Variants in RGS12 observed in about 807,000 individuals in gnomAD.
RGS12 encodes the protein regulator of G-protein signaling 12.
RGS12 carries 66 observed loss-of-function variants against 120.1 expected under a neutral mutation model. That is an observed-to-expected ratio of 0.55 (90% confidence interval 0.45 to 0.67). The LOEUF (loss-of-function observed/expected upper bound fraction) is 0.67, where lower values mean the gene tolerates loss of function less well. Among genes scored for constraint, RGS12 ranks in the 30% least tolerant of loss-of-function variants. The pLI, the probability that RGS12 is intolerant of heterozygous loss-of-function variation, is 0.00. For missense variants in RGS12, 1,859 were observed against 1,957.7 expected (o/e 0.95, Z 0.95); for synonymous variants, 827 against 804.7 (o/e 1.03, Z -0.47).
chr4:3,423,715 C>G, intron 13 of RGS12, 74 bp downstream of exon 13: 1 of 1,541,224 alleles, frequency 6.5e-7, no homozygotes, highest in Non-Finnish European at 8.8e-7. Context: ...CTGTGTTGTT[C>G]ACTGAAGAGG....
In RGS12 at chr4:3,316,925, T is replaced by C; in HGVS notation, c.755T>C (p.Leu252Ser). The C allele has an allele frequency of 6.2e-7, 1 of 1,613,952 alleles. No individual in the cohort carries two copies. The highest frequency in any genetic ancestry group is 8.5e-7 in the Non-Finnish European group (1 of 1,180,048). ...STSSNLESDS[L>S]QAIRGCMRRL... Reference sequence around the variant, plus strand: ...AGCTCCAACCTGGAGTCCGACAGCTTGCAAGCCATCCGCGGCTGCATGCGG... The same window carrying C: ...AGCTCCAACCTGGAGTCCGACAGCTCGCAAGCCATCCGCGGCTGCATGCGG... The change falls in exon 2 of 18, where the codon TTG becomes TCG. Residue 252 changes from leucine to serine, a missense_variant. Physicochemically the swap from Leu to Ser is moderately radical, Grantham distance 145 (BLOSUM62 -2). Coordinates refer to ENST00000336727, the MANE Select transcript of RGS12 (RefSeq NM_001394154.1).
intron 1 of RGS12, 37 bp downstream of exon 1, chr4:3,293,136 G>A (rs1271247034): frequency 6.8e-6 from 1 of 146,024 alleles, no homozygotes; most frequent in Non-Finnish European, 1.5e-5. Context: ...CGGGGGCAGG[G>A]CGCGCCGCCT....
chr4:3,433,303 G>A lies in RGS12; in HGVS notation c.4114+2348G>A, dbSNP rs768872621. Among the ~76,000 whole-genome samples, 9 of 152,166 alleles carry A rather than the reference G, an allele frequency of 5.9e-5. No homozygotes were observed. Among genetic ancestry groups the A allele is most frequent in the Non-Finnish European group, 8.8e-5 (6 of 67,998 alleles). On this transcript the variant is annotated intron_variant, in intron 17 of 17. Coordinates refer to ENST00000336727, the MANE Select transcript of RGS12 (RefSeq NM_001394154.1). This position sits in a 1 kb window ranked among gnomAD's most constrained non-coding sequence, Gnocchi z 4.4. ...CAACAGGAGGTGTAGCCAAGCCCAC[G>A]GGCTCCCGCCCTCCCCATTGCCATG...
At position 3,317,781 on chromosome 4, in the gene RGS12, G is replaced by C. The variant is rs150230031; in HGVS notation, c.1611G>C (p.Trp537Cys). The C allele has an allele frequency of 1.9e-5, 30 of 1,613,294 alleles. No individual in the cohort carries two copies. The highest frequency in any genetic ancestry group is 2.5e-5 in the Non-Finnish European group (29 of 1,179,950). Residue 537 changes from tryptophan to cysteine, a missense_variant, in exon 2 of 18, where the codon TGG becomes TGC. Physicochemically the swap from Trp to Cys is radical, Grantham distance 215. Around this residue, in one of 3 missense-constraint regions of RGS12, gnomAD observed 967 missense variants for 994.2 expected, o/e 0.97. Transcript: ENST00000336727. ...CTGGCTGTGGTTTCAACCAGCGCTG[G>C]CTCCCGGTCCACGTGCTCCGGGAGT... ...VGAGCGFNQR[W>C]LPVHVLREWQ... is the part of the protein sequence containing the mutation.
At chr4:3,303,646 G>A (rs966091904) in intron 1 of RGS12, among the ~76,000 whole-genome samples, 3 of 152,186 alleles carry the variant, frequency 2.0e-5, no homozygotes, top group Non-Finnish European at 4.4e-5. Context: ...CTCCCTGGGT[G>A]CCTGGCTTCC....
At chr4:3,295,039 G>A (rs1031663421) in intron 1 of RGS12, among the ~76,000 whole-genome samples, 9 of 152,148 alleles carry the variant, frequency 5.9e-5, no homozygotes, top group Non-Finnish European at 8.8e-5. Context: ...CAGGGTCAAG[G>A]GCTGGCTCCC....
intron 17 of RGS12, among the ~76,000 whole-genome samples, chr4:3,438,131 CGGGG>C (rs1238463795): frequency 6.6e-6 from 1 of 152,046 alleles, no homozygotes; most frequent in Non-Finnish European, 1.5e-5. Flanking sequence ...TCTCATGTGC[CGGGG>C]GCTGGCTCTT....
At position 3,316,245 on chromosome 4, in the gene RGS12, T is replaced by G. The variant is rs532770320; in HGVS notation, c.75T>G (p.Val25=). The G allele has an allele frequency of 5.0e-6, 8 of 1,613,050 alleles. No individual in the cohort carries two copies. In the African/African-American group the frequency reaches 6.7e-5, roughly 13 times the overall value. ...CCCCAAGGGTGCGGAGTGTGGAGGTTGCCCGGGGGAGGGCCGGCTACGGAT... is the reference window on the plus strand; with the variant it reads ...CCCCAAGGGTGCGGAGTGTGGAGGTGGCCCGGGGGAGGGCCGGCTACGGAT... ...PSPPRVRSVE[V]ARGRAGYGFT... The change falls in exon 2 of 18, where the codon GTT becomes GTG. Residue 25 remains valine, a synonymous_variant. Transcript: ENST00000336727.
intron 4 of RGS12, among the ~76,000 whole-genome samples, chr4:3,404,569 C>T (rs1720914818): frequency 6.6e-6 from 1 of 152,220 alleles, no homozygotes; most frequent in South Asian, 2.1e-4. Context: ...CAGTTCCCCA[C>T]TGCCAGCAGG....
chr4:3,363,315 C>G (rs1295268864), intron 3 of RGS12, among the ~76,000 whole-genome samples: 1 of 152,124 alleles, frequency 6.6e-6, no homozygotes, highest in African/African-American at 2.4e-5. Context: ...TTATAATTTT[C>G]TATTGTTTCC....
intron 1 of RGS12, among the ~76,000 whole-genome samples, chr4:3,310,066 G>T (rs185116764): frequency 3.0e-3 from 329 of 108,280 alleles, no homozygotes; most frequent in African/African-American, 0.01. Context: ...GGAACCGTGT[G>T]GGGGAGGAGC....
the RGS12 span, among the ~76,000 whole-genome samples, chr4:3,286,707 G>A: frequency 1.9e-3 from 296 of 152,316 alleles, 11 homozygotes; most frequent in East Asian, 0.054. Flanking sequence ...CGGGGCCAGC[G>A]CTGCACACCG....
At chr4:3,438,219 G>A (rs943665190) in intron 17 of RGS12, among the ~76,000 whole-genome samples, 8 of 152,132 alleles carry the variant, frequency 5.3e-5, no homozygotes, top group Non-Finnish European at 7.4e-5. Context: ...CCTCCACCCT[G>A]GCATGGACAT....
chr4:3,414,480 C>A (rs1157482179), intron 5 of RGS12: 4 of 596,856 alleles, frequency 6.7e-6, no homozygotes, highest in Middle Eastern at 4.4e-4. Context: ...CTACTGGGGT[C>A]TCTCTGCAGC....
At chr4:3,341,098 C>G (rs1713041401) in intron 2 of RGS12, among the ~76,000 whole-genome samples, 1 of 150,644 alleles carries the variant, frequency 6.6e-6, no homozygotes, top group Admixed American at 6.6e-5. Flanking sequence ...CCGGCAGCCA[C>G]AGCCCCTGGG....
chr4:3,311,191 C>G (rs1196647065), intron 1 of RGS12, among the ~76,000 whole-genome samples: 2 of 152,196 alleles, frequency 1.3e-5, no homozygotes, highest in Non-Finnish European at 2.9e-5. Context: ...GACGGCGTCT[C>G]TCTCGCCTCA....
the RGS12 span, among the ~76,000 whole-genome samples, chr4:3,287,268 T>C: frequency 6.6e-6 from 1 of 152,326 alleles, no homozygotes; most frequent in East Asian, 1.9e-4. Context: ...TTTGAGGCGA[T>C]GCTTTCTGAT....
intron 4 of RGS12, among the ~76,000 whole-genome samples, chr4:3,411,665 G>A (rs946568501): frequency 4.6e-5 from 7 of 152,266 alleles, no homozygotes; most frequent in Non-Finnish European, 7.3e-5. Flanking sequence ...CAAAGAGTCA[G>A]CCCACTCCAA....
intron 4 of RGS12, among the ~76,000 whole-genome samples, chr4:3,398,846 T>G (rs546181035): frequency 2.0e-5 from 3 of 152,342 alleles, no homozygotes; most frequent in African/African-American, 7.2e-5. Context: ...ACTTTTTTTC[T>G]AAAGTACGTG....
Sources: allele counts gnomAD v4.1 joint callset (sites outside exome capture counted in the v4.1 genomes callset), GRCh38; gene constraint gnomAD v4.1.1; regional missense constraint gnomAD v4.1.1; non-coding constraint Gnocchi (gnomAD v3.1); transcripts MANE v1.5; gene names NCBI Gene and HGNC (gene_info 2026-07-23, HGNC 2026-07-21).